The following RAPGEF6 variants were observed in gnomAD, a reference collection of about 807,000 sequenced individuals.
The protein encoded by RAPGEF6 is PDZ domain containing guanine nucleotide exchange factor (GEF) 2.
Under a neutral mutation model 171.4 loss-of-function variants are expected in RAPGEF6, and 56 were observed. The ratio of observed to expected loss-of-function variants is 0.33; its 90% confidence interval spans 0.26 to 0.41. RAPGEF6 has a LOEUF of 0.41. Ranked by LOEUF, RAPGEF6 falls within the 10% of genes least tolerant of loss-of-function variation. The probability of loss-of-function intolerance (pLI) is 1.00; values close to 1 mark genes in which losing one functional copy is unlikely to be tolerated. For synonymous variants in RAPGEF6, 692 were observed against 650.1 expected (o/e 1.06, Z -0.98); for missense variants, 1,674 against 1,921.4 (o/e 0.87, Z 2.41).
intron 16 of RAPGEF6, among the ~76,000 whole-genome samples, chr5:131,479,115 G>T (rs1755296186): frequency 6.6e-6 from 1 of 151,440 alleles, no homozygotes; most frequent in African/African-American, 2.4e-5. Context: ...TGATTAAAAA[G>T]TTCAACTTTA....
intron 6 of RAPGEF6, among the ~76,000 whole-genome samples, chr5:131,527,615 G>A (rs1290264546): frequency 6.6e-6 from 1 of 152,078 alleles, no homozygotes; most frequent in Non-Finnish European, 1.5e-5. Context: ...TGGAAGCACA[G>A]AAGGTGAAAT....
At chr5:131,451,155 T>C (rs980075185) in intron 21 of RAPGEF6, among the ~76,000 whole-genome samples, 1 of 152,230 alleles carries the variant, frequency 6.6e-6, no homozygotes, top group Non-Finnish European at 1.5e-5. Context: ...AATGACATCA[T>C]TCATTACATG....
chr5:131,436,298 T>A, intron 24 of RAPGEF6: 1 of 1,537,496 alleles, frequency 6.5e-7, no homozygotes, highest in Non-Finnish European at 8.7e-7. Context: ...ATCTGAAGGA[T>A]TTTCTTTTGC....
At chr5:131,559,729 A>G (rs1024740088) in intron 5 of RAPGEF6, among the ~76,000 whole-genome samples, 2 of 151,968 alleles carry the variant, frequency 1.3e-5, no homozygotes, top group African/African-American at 4.8e-5. Context: ...AGTCCCAGCT[A>G]CTTGAGAGAC....
chr5:131,434,349 C>G (rs566168023), intron 24 of RAPGEF6, among the ~76,000 whole-genome samples: 4 of 152,282 alleles, frequency 2.6e-5, no homozygotes, highest in Admixed American at 6.5e-5. Flanking sequence ...CTCAAGTGGT[C>G]CTCTTGCCTC....
intron 17 of RAPGEF6, among the ~76,000 whole-genome samples, chr5:131,466,284 C>G (rs991042687): frequency 1.3e-5 from 2 of 151,730 alleles, no homozygotes; most frequent in East Asian, 1.9e-4. Flanking sequence ...ACTCTCTTTC[C>G]TCAATGTATT....
At chr5:131,454,500 T>C (rs1428959503) in intron 20 of RAPGEF6, among the ~76,000 whole-genome samples, 3 of 152,024 alleles carry the variant, frequency 2.0e-5, no homozygotes, top group East Asian at 1.9e-4. Flanking sequence ...GACTTTGAAA[T>C]AACGATGTTG....
At chr5:131,496,887 T>C (rs761234282) in intron 12 of RAPGEF6, among the ~76,000 whole-genome samples, 20 of 152,154 alleles carry the variant, frequency 1.3e-4, no homozygotes, top group Non-Finnish European at 1.9e-4. Context: ...CTGGGCTATA[T>C]GGTAACCCTA....
chr5:131,604,003 A>ATAATC (rs1764402438), intron 2 of RAPGEF6, among the ~76,000 whole-genome samples: 1 of 152,158 alleles, frequency 6.6e-6, no homozygotes, highest in Non-Finnish European at 1.5e-5. Flanking sequence ...TTTTATAAAT[A>ATAATC]TAATCATAAT....
intron 4 of RAPGEF6, among the ~76,000 whole-genome samples, chr5:131,580,373 G>A (rs996714017): frequency 3.3e-5 from 5 of 152,040 alleles, no homozygotes; most frequent in African/African-American, 9.7e-5. Flanking sequence ...TGTGCTGGCC[G>A]CACGAGCGCT....
At chr5:131,476,877 A>T (rs1029483935) in intron 16 of RAPGEF6, among the ~76,000 whole-genome samples, 2 of 152,200 alleles carry the variant, frequency 1.3e-5, no homozygotes, top group African/African-American at 4.8e-5. Context: ...GCATCACTTT[A>T]TATTAGCACA....
chr5:131,528,313 T>TATTATA (rs1251388931), intron 6 of RAPGEF6, among the ~76,000 whole-genome samples: 845 of 48,792 alleles, frequency 0.017, 67 homozygotes, highest in African/African-American at 0.058. Context: ...TATATTTATA[T>TATTATA]TATATATATA....
intron 6 of RAPGEF6, among the ~76,000 whole-genome samples, chr5:131,523,540 T>G (rs1758652584): frequency 6.6e-6 from 1 of 151,820 alleles, no homozygotes; most frequent in Non-Finnish European, 1.5e-5. Flanking sequence ...TTGACAGAGC[T>G]AAGAAGAGAA....
At chr5:131,498,360 T>A in intron 12 of RAPGEF6, 83 bp downstream of exon 12, 2 of 1,257,022 alleles carry the variant, frequency 1.6e-6, no homozygotes, top group South Asian at 1.5e-5. Context: ...ATTATCATAA[T>A]AAACAGGTAA....
chr5:131,428,594 G>C (rs984693522), intron 27 of RAPGEF6, among the ~76,000 whole-genome samples: 2 of 151,968 alleles, frequency 1.3e-5, no homozygotes, highest in African/African-American at 4.8e-5. Context: ...CCGAGTAGCT[G>C]GGATTACAGG....
At chr5:131,507,478 A>G (rs572761795) in intron 9 of RAPGEF6, among the ~76,000 whole-genome samples, 1 of 152,210 alleles carries the variant, frequency 6.6e-6, no homozygotes, top group East Asian at 1.9e-4. Context: ...AGTACATTTG[A>G]TAGGAAAAAT....
intron 23 of RAPGEF6, among the ~76,000 whole-genome samples, chr5:131,440,855 T>G (rs929019131): frequency 2.0e-5 from 3 of 151,264 alleles, no homozygotes; most frequent in Non-Finnish European, 4.4e-5. Context: ...CCTCTCTCAC[T>G]CCTACCAACA....
In RAPGEF6 at chr5:131,498,318, GTTCA is replaced by G. The variant is rs1193260240; in HGVS notation, c.1419+121_1419+124del. 5 of 856,722 alleles carry G rather than the reference GTTCA, an allele frequency of 5.8e-6. No individual in the cohort carries two copies. The African/African-American group carries it at 6.8e-5, about 12-fold the overall frequency. The allele number at this position is 856,722 out of a possible 1,614,324, so 53.1% of individuals were successfully genotyped here. On this transcript the variant is annotated intron_variant, in intron 12 of 27. Transcript: ENST00000509018. ...GAGAATGTTTATACTGATGGTTCAG[GTTCA>G]TTAATTTTTTTAGGTGTACTGAATC...
At position 131,431,097 on chromosome 5, in the gene RAPGEF6, C is replaced by G. The variant is rs1024534718; in HGVS notation, c.4227G>C (p.Glu1409Asp). The G allele has an allele frequency of 1.2e-6, 2 of 1,614,054 alleles. No individual in the cohort carries two copies. Among genetic ancestry groups the G allele is most frequent in the African/African-American group, 1.3e-5 (1 of 74,910 alleles). Residue 1409 changes from glutamate (E) to aspartate (D), a missense_variant, in exon 26 of 28, where the codon GAG becomes GAC. Physicochemically the swap from Glu to Asp is conservative, Grantham distance 45. This residue lies in a region of RAPGEF6 where 552 missense variants were observed against 574.2 expected (regional missense o/e 0.96). Transcript: ENST00000509018. ...PIAEVEPTDS[E>D]PYSCSKSCSR... ...AGCAGCTTTTAGAACAGGAATAGGG[C>G]TCAGAGTCAGTGGGTTCAACTTCAG...
Sources: gnomAD v4.1 joint callset for allele counts (sites outside exome capture counted in the v4.1 genomes callset) on GRCh38, gnomAD v4.1.1 for gene constraint, gnomAD v4.1.1 regional missense constraint, MANE v1.5 for transcripts, NCBI Gene and HGNC (gene_info 2026-07-23, HGNC 2026-07-21) for gene names.